The following PRKCB variants were observed in gnomAD, a reference collection of about 807,000 sequenced individuals.
PRKCB encodes protein kinase C beta, also known as protein kinase C beta type.
Under a neutral mutation model 81.5 loss-of-function variants are expected in PRKCB, and 13 were observed. The ratio of observed to expected loss-of-function variants is 0.16; its 90% CI spans 0.10 to 0.25. The LOEUF (loss-of-function observed/expected upper bound fraction) is 0.25. PRKCB is among the 10% of genes least tolerant of loss of function. The pLI, the probability that PRKCB is intolerant of heterozygous loss-of-function variation, is 1.00. For missense variants in PRKCB, 509 were observed against 875.7 expected (o/e 0.58, Z 5.29); for synonymous variants, 335 against 321.4 (o/e 1.04, Z -0.45).
intron 10 of PRKCB, among the ~76,000 whole-genome samples, chr16:24,156,570 C>T (rs538466963): frequency 6.6e-6 from 1 of 152,052 alleles, no homozygotes; most frequent in Non-Finnish European, 1.5e-5. Context: ...TCACCATGCC[C>T]GGCCAAAGTT....
chr16:24,142,009 A>C (rs1966908854), intron 9 of PRKCB, among the ~76,000 whole-genome samples: 1 of 152,332 alleles, frequency 6.6e-6, no homozygotes, highest in South Asian at 2.1e-4. Context: ...TCAAATTAAT[A>C]ATTATGGCTT....
chr16:23,951,703 C>T (rs1222138485), intron 2 of PRKCB, among the ~76,000 whole-genome samples: 1 of 151,504 alleles, frequency 6.6e-6, no homozygotes, highest in Non-Finnish European at 1.5e-5. Context: ...CAGGCATGAG[C>T]CACTGCACCT....
intron 3 of PRKCB, among the ~76,000 whole-genome samples, chr16:23,993,199 C>T (rs1274068705): frequency 6.6e-6 from 1 of 151,896 alleles, no homozygotes; most frequent in Non-Finnish European, 1.5e-5. Flanking sequence ...ACAAGCAGAA[C>T]CATAGGGAAT....
intron 5 of PRKCB, among the ~76,000 whole-genome samples, chr16:24,067,958 AAGAG>A (rs947120094): frequency 2.3e-3 from 314 of 138,656 alleles, no homozygotes; most frequent in East Asian, 0.016. Flanking sequence ...AAAAAAAAAA[AAGAG>A]AGAGAGAGAG....
At chr16:24,197,319 C>A (rs530714455) in intron 16 of PRKCB, among the ~76,000 whole-genome samples, 1 of 152,016 alleles carries the variant, frequency 6.6e-6, no homozygotes, top group African/African-American at 2.4e-5. Context: ...GAGAAAATGA[C>A]GTTTCAGCAA....
chr16:23,925,380 G>T (rs1020010504), intron 2 of PRKCB, among the ~76,000 whole-genome samples: 1 of 151,964 alleles, frequency 6.6e-6, no homozygotes, highest in African/African-American at 2.4e-5. Flanking sequence ...CTGGTCATTG[G>T]GTATCTGTGG....
chr16:23,866,575 T>C (rs1316140283), intron 2 of PRKCB, among the ~76,000 whole-genome samples: 1 of 152,188 alleles, frequency 6.6e-6, no homozygotes, highest in Non-Finnish European at 1.5e-5. Flanking sequence ...ATATGGCCAC[T>C]TCCCTGTTGA....
chr16:24,170,735 C>A (rs1967429345), intron 10 of PRKCB, among the ~76,000 whole-genome samples: 1 of 152,204 alleles, frequency 6.6e-6, no homozygotes, highest in African/African-American at 2.4e-5. Flanking sequence ...AATAACTTCT[C>A]CAAATACATC....
chr16:23,954,231 G>A (rs1489630706), intron 2 of PRKCB, among the ~76,000 whole-genome samples: 1 of 151,946 alleles, frequency 6.6e-6, no homozygotes, highest in Non-Finnish European at 1.5e-5. Flanking sequence ...TTACAGGCAT[G>A]AGACACCACG....
intron 10 of PRKCB, among the ~76,000 whole-genome samples, chr16:24,170,592 T>C (rs56704279): frequency 0.037 from 5,667 of 152,174 alleles, 355 homozygotes; most frequent in African/African-American, 0.13. Flanking sequence ...CACCCTCTGA[T>C]GGAAGGAGAG....
intron 10 of PRKCB, among the ~76,000 whole-genome samples, chr16:24,166,281 C>T (rs564354155): frequency 5.3e-5 from 8 of 151,896 alleles, no homozygotes; most frequent in East Asian, 1.9e-4. Flanking sequence ...GTTTTTTTAA[C>T]GGAGTTAATA....
chr16:24,145,920 C>G (rs1410304419), intron 9 of PRKCB, among the ~76,000 whole-genome samples: 1 of 152,232 alleles, frequency 6.6e-6, no homozygotes. Context: ...AAGGTTGCCT[C>G]ACTTGGACAT....
In PRKCB at chr16:24,183,259, T is replaced by C. The variant is rs1967655409; in HGVS notation, c.1534-1852T>C. ...TATACATTTATCATGTGCAACATGT[T>C]GTTCTGAAATATGCATACATTGTGG... On this transcript the variant is annotated intron_variant, in intron 13 of 16. Transcript: ENST00000643927. Among the ~76,000 whole-genome samples the C allele has an allele frequency of 2.0e-5, 3 of 152,314 alleles. No individual in the cohort carries two copies. The South Asian group carries it at 6.2e-4, about 32-fold the overall frequency.
At chr16:24,119,528 T>A (rs1263055822) in intron 8 of PRKCB, among the ~76,000 whole-genome samples, 1 of 151,892 alleles carries the variant, frequency 6.6e-6, no homozygotes, top group East Asian at 1.9e-4. Flanking sequence ...GTCTGGAGAA[T>A]GGAGACTGTG....
chr16:24,191,199 AAG>A lies in PRKCB; in HGVS notation c.1836_1837del (p.Glu612AspfsTer6). ...ATTGATTGGGAGAAACTTGAACGCA[AAG>A]AGATCCAGCCCCCTTATAAGCCAAA... is the stretch of plus-strand genomic sequence containing the variant. On this transcript the variant is annotated frameshift_variant, in exon 16 of 17. Transcript: ENST00000643927. LOFTEE classifies it high-confidence loss of function. 6.2e-7 allele frequency: 1 copy of A among 1,614,112 alleles called. No individual in the cohort carries two copies. Among genetic ancestry groups the A allele is most frequent in the Non-Finnish European group, 8.5e-7 (1 of 1,180,000 alleles).
intron 5 of PRKCB, among the ~76,000 whole-genome samples, chr16:24,039,470 T>C (rs1242834339): frequency 6.6e-6 from 1 of 152,212 alleles, no homozygotes; most frequent in Non-Finnish European, 1.5e-5. Flanking sequence ...CCTCAAGTGA[T>C]CCGCCCGCCT....
Position 23,894,827 on chromosome 16 carries a change from AC to A in PRKCB, c.205+57423del, listed in dbSNP as rs1252985237. Reference sequence around the variant, plus strand: ...TACATTTATTTCTATTACATTTAGGACCTTTGAGTCTATATTCATTAGTGAA... The same window carrying A: ...TACATTTATTTCTATTACATTTAGGACTTTGAGTCTATATTCATTAGTGAA... On this transcript the variant is annotated intron_variant, in intron 2 of 16. Coordinates refer to ENST00000643927, the MANE Select transcript of PRKCB (RefSeq NM_002738.7). 3.9e-5 allele frequency among the ~76,000 whole-genome samples: 6 copies of A among 152,076 alleles called. No individual in the cohort carries two copies. The East Asian group carries it at 1.2e-3, about 29-fold the overall frequency.
At chr16:24,190,938 A>G in intron 15 of PRKCB, 152 bp from the exon 16 acceptor site, 1 of 909,318 alleles carries the variant, frequency 1.1e-6, no homozygotes, top group Admixed American at 2.9e-5. Flanking sequence ...CCTGGCTGGG[A>G]TTTTTTGCTG....
At chr16:24,133,921 A>G (rs113872805) in intron 9 of PRKCB, among the ~76,000 whole-genome samples, 2 of 146,748 alleles carry the variant, frequency 1.4e-5, no homozygotes, top group African/African-American at 2.5e-5. Context: ...TTTTGACAAG[A>G]GTCTCACTCT....
Sources: allele counts gnomAD v4.1 joint callset (sites outside exome capture counted in the v4.1 genomes callset), GRCh38; gene constraint gnomAD v4.1.1; transcripts MANE v1.5; gene names NCBI Gene and HGNC (gene_info 2026-07-23, HGNC 2026-07-21).